The following F11 variants were observed in gnomAD, a reference collection of about 807,000 sequenced individuals.
The protein encoded by F11 is coagualtion factor XI.
F11 carries 78 observed loss-of-function variants against 76.5 expected under a neutral mutation model. The ratio of observed to expected loss-of-function variants is 1.02; its 90% CI spans 0.85 to 1.23. F11 has a LOEUF of 1.23. Among genes scored for constraint, F11 ranks in the 50% most tolerant of loss-of-function variants. The probability of loss-of-function intolerance (pLI) is 0.00; values close to 1 mark genes in which losing one functional copy is unlikely to be tolerated. For missense variants in F11, 742 were observed against 771.4 expected (o/e 0.96, Z 0.45); for synonymous variants, 278 against 276.3 (o/e 1.01, Z -0.06).
intron 10 of F11, chr4:186,282,837 A>T (rs755504298): frequency 3.0e-6 from 3 of 983,780 alleles, no homozygotes; most frequent in Non-Finnish European, 3.6e-6. Context: ...TTCCTTCCGA[A>T]CTCCTTCTCT....
intron 14 of F11, 39 bp downstream of exon 14, chr4:186,287,862 T>G (rs778068640): frequency 6.2e-7 from 1 of 1,601,776 alleles, no homozygotes; most frequent in East Asian, 2.3e-5. Flanking sequence ...ATATGCAAAT[T>G]GGAATGCTTA....
intron 11 of F11, 70 bp from the exon 12 acceptor site, chr4:186,285,568 C>A: frequency 6.8e-7 from 1 of 1,462,534 alleles, no homozygotes; most frequent in East Asian, 2.3e-5. Flanking sequence ...TAAACAGCCA[C>A]ACACTTCACA....
At chr4:186,275,681 G>C in intron 5 of F11, 106 bp from the exon 6 acceptor site, 1 of 784,112 alleles carries the variant, frequency 1.3e-6, no homozygotes, top group Admixed American at 2.0e-5. Flanking sequence ...TGGATGCTTC[G>C]GGGTCTCGCA....
chr4:186,281,012 G>T (rs1008601367), intron 10 of F11, among the ~76,000 whole-genome samples: 2 of 151,978 alleles, frequency 1.3e-5, no homozygotes, highest in African/African-American at 4.8e-5. Flanking sequence ...CTACAGGCGT[G>T]CACCACAACA....
At chr4:186,270,876 T>TTG (rs1413133861) in intron 2 of F11, among the ~76,000 whole-genome samples, 3 of 150,654 alleles carry the variant, frequency 2.0e-5, no homozygotes, top group Non-Finnish European at 4.4e-5. Flanking sequence ...TTTTTTTTTT[T>TTG]TGTATTTTTT....
At chr4:186,277,486 TA>T (rs748069155) in intron 7 of F11, among the ~76,000 whole-genome samples, 14 of 152,204 alleles carry the variant, frequency 9.2e-5, no homozygotes, top group Non-Finnish European at 1.8e-4. Context: ...TGTCTAGTTC[TA>T]AATGAAATGA....
intron 10 of F11, among the ~76,000 whole-genome samples, chr4:186,283,590 A>G (rs895105610): frequency 1.3e-5 from 2 of 152,176 alleles, no homozygotes; most frequent in African/African-American, 4.8e-5. Flanking sequence ...ACAGGGCAGG[A>G]ACTGGACAAT....
chr4:186,288,400 T>C (rs575201749), intron 14 of F11, 53 bp from the exon 15 acceptor site: 1 of 1,611,460 alleles, frequency 6.2e-7, no homozygotes, highest in Admixed American at 1.7e-5. Flanking sequence ...GTGCTGAAGA[T>C]GGGAAGCGTC....
rs1173840967 is a variant in F11, at chr4:186,280,109, C to T, written c.853C>T (p.His285Tyr). ...LSGFSLQSCR[H>Y]SIPVFCHSSF... ...TGGTTTCAGTCTACAAAGCTGCAGG[C>T]ACAGCATCCCAGGTAAACTGAGAGT... The change falls in exon 8 of 15, where the codon CAC becomes TAC. Residue 285 changes from histidine to tyrosine, a missense_variant. Coordinates refer to ENST00000403665, the MANE Select transcript of F11 (RefSeq NM_000128.4). 7 of 1,613,964 alleles carry T rather than the reference C, an allele frequency of 4.3e-6. No homozygotes were observed. The highest frequency in any genetic ancestry group is 5.1e-6 in the Non-Finnish European group (6 of 1,179,986).
intron 7 of F11, 37 bp downstream of exon 7, chr4:186,276,427 C>T (rs1358279326): frequency 6.2e-7 from 1 of 1,603,224 alleles, no homozygotes; most frequent in Non-Finnish European, 8.5e-7. Context: ...TTGTTATCTT[C>T]TAAAAATAGC....
intron 3 of F11, among the ~76,000 whole-genome samples, chr4:186,272,387 C>T (rs924009816): frequency 6.6e-6 from 1 of 152,100 alleles, no homozygotes; most frequent in African/African-American, 2.4e-5. Flanking sequence ...TCAGTTTTCC[C>T]TCAAATATAA....
chr4:186,271,651 G>C lies in F11; in HGVS notation c.98G>C (p.Gly33Ala). ...QLLKDTCFEG[G>A]DITTVFTPSA... The stretch of plus-strand genomic sequence containing the variant: ...TTGAAGGACACCTGCTTTGAAGGAG[G>C]GGACATTACTACGGTCTTCACACCA... The change falls in exon 3 of 15, where the codon GGG (glycine) becomes GCG (alanine). Residue 33 changes from glycine to alanine, a missense_variant. By Grantham distance (60) the Gly-to-Ala change is moderately conservative. Coordinates refer to ENST00000403665, the MANE Select transcript of F11 (RefSeq NM_000128.4). The C allele has an allele frequency of 3.1e-6, 5 of 1,614,136 alleles. No individual in the cohort carries two copies. The highest frequency in any genetic ancestry group is 1.6e-4 in the Middle Eastern group (1 of 6,062).
At chr4:186,282,201 C>T (rs1004934488) in intron 10 of F11, 30 of 1,060,792 alleles carry the variant, frequency 2.8e-5, no homozygotes, top group East Asian at 6.4e-5. Context: ...ACTGCATTTT[C>T]CCCCTTCCTT....
intron 13 of F11, among the ~76,000 whole-genome samples, chr4:186,287,042 C>T (rs970244487): frequency 7.9e-5 from 12 of 151,960 alleles, no homozygotes; most frequent in African/African-American, 2.2e-4. Context: ...GGCACGATCT[C>T]GGCTCACTGT....
At chr4:186,279,966 A>G (rs1222569913) in intron 7 of F11, 46 bp from the exon 8 acceptor site, 1 of 1,406,084 alleles carries the variant, frequency 7.1e-7, no homozygotes, top group East Asian at 2.3e-5. Flanking sequence ...AAATGTTTTT[A>G]TGTGTTTGAT....
intron 7 of F11, among the ~76,000 whole-genome samples, 175 bp from the exon 8 acceptor site, chr4:186,279,837 G>C (rs139433830): frequency 6.6e-6 from 1 of 152,200 alleles, no homozygotes; most frequent in Non-Finnish European, 1.5e-5. Context: ...GGGCCATGGA[G>C]TGTGACTCCA....
At chr4:186,272,335 C>T (rs979507576) in intron 3 of F11, among the ~76,000 whole-genome samples, 38 of 152,262 alleles carry the variant, frequency 2.5e-4, no homozygotes, top group African/African-American at 8.7e-4. Context: ...CTATCCTACA[C>T]AAAAGACATA....
rs766837047 is a variant in F11, at chr4:186,285,669, A to G, written c.1336A>G (p.Ser446Gly). Residue 446 changes from serine to glycine, a missense_variant, in exon 12 of 15, where the codon AGT (serine) becomes GGT (glycine). By Grantham distance (56) the Ser-to-Gly change is moderately conservative. Coordinates refer to ENST00000403665, the MANE Select transcript of F11 (RefSeq NM_000128.4). ...VESPKILRVY[S>G]GILNQSEIKE... The stretch of plus-strand genomic sequence containing the variant: ...GTCACCTAAGATTTTGCGTGTCTAC[A>G]GTGGCATTTTAAATCAATCTGAAAT... 8.1e-6 allele frequency: 13 copies of G among 1,614,052 alleles called. No homozygotes were observed. The highest frequency in any genetic ancestry group is 1.3e-5 in the African/African-American group (1 of 74,930).
At chr4:186,281,955 A>G (rs1225569788) in intron 10 of F11, 2 of 1,282,080 alleles carry the variant, frequency 1.6e-6, no homozygotes, top group Non-Finnish European at 2.1e-6. Flanking sequence ...CGCTCCGATG[A>G]AAATCTCTGG....
Sources: allele counts gnomAD v4.1 joint callset (sites outside exome capture counted in the v4.1 genomes callset), GRCh38; gene constraint gnomAD v4.1.1; transcripts MANE v1.5; gene names NCBI Gene and HGNC (gene_info 2026-07-23, HGNC 2026-07-21).